Variants in BMPR2 observed in about 807,000 individuals in gnomAD.
The protein encoded by BMPR2 is bone morphogenetic protein receptor type 2, also known as bone morphogenetic protein receptor type-2.
Under a neutral mutation model 100.8 loss-of-function variants are expected in BMPR2, and 29 were observed. The ratio of observed to expected loss-of-function variants is 0.29; its 90% CI spans 0.21 to 0.39. The LOEUF (loss-of-function observed/expected upper bound fraction) is 0.39, where lower values mean the gene tolerates loss of function less well. Ranked by LOEUF, BMPR2 falls within the 10% of genes least tolerant of loss-of-function variation. BMPR2 has a pLI of 1.00. For synonymous variants in BMPR2, 382 were observed against 442.3 expected, an observed-to-expected ratio of 0.86 and a Z score of 1.71; for missense variants, 1,011 against 1,274.5, an observed-to-expected ratio of 0.79 and a Z score of 3.15.
At chr2:202,530,100 G>A (rs1687993840) in intron 7 of BMPR2, among the ~76,000 whole-genome samples, 1 of 152,098 alleles carries the variant, frequency 6.6e-6, no homozygotes, top group South Asian at 2.1e-4. Flanking sequence ...TTAAAGTCAG[G>A]TGAAAGATGT....
intron 10 of BMPR2, among the ~76,000 whole-genome samples, chr2:202,543,801 A>G (rs988036502): frequency 6.6e-6 from 1 of 152,178 alleles, no homozygotes; most frequent in African/African-American, 2.4e-5. Flanking sequence ...TGGTATTATG[A>G]TTATGTAAGC....
At chr2:202,392,720 C>T (rs1040304322) in intron 1 of BMPR2, among the ~76,000 whole-genome samples, 7 of 151,536 alleles carry the variant, frequency 4.6e-5, no homozygotes, top group African/African-American at 1.2e-4. Context: ...TGGCCGGGCG[C>T]GGTGGCTCAC....
intron 1 of BMPR2, among the ~76,000 whole-genome samples, chr2:202,435,376 C>CATACATACATATATATATAT (rs1553500538): frequency 1.9e-5 from 2 of 103,448 alleles, no homozygotes; most frequent in African/African-American, 8.4e-5. Context: ...AAAAAAAATA[C>CATACATACATATATATATAT]ATATATATAT....
At chr2:202,426,269 G>A (rs1691381842) in intron 1 of BMPR2, among the ~76,000 whole-genome samples, 1 of 152,114 alleles carries the variant, frequency 6.6e-6, no homozygotes, top group Admixed American at 6.6e-5. Context: ...CTGAGATTTT[G>A]GGATTGTTAT....
rs547357617 is a variant in BMPR2 at position 202,443,430 on chromosome 2, A to G, written c.77-21379A>G. Among the ~76,000 whole-genome samples, 7 of 150,722 alleles carry G rather than the reference A, an allele frequency of 4.6e-5. No individual in the cohort carries two copies. In the South Asian group the frequency reaches 1.5e-3, roughly 31 times the overall value. On this transcript the variant is annotated intron_variant, in intron 1 of 12. Transcript: ENST00000374580. Reference sequence around the variant, plus strand: ...TGCACCATTTTTCATTCCCACCAACAGTGTACAAGGGTCAAGGATTCCAAT... The same window carrying G: ...TGCACCATTTTTCATTCCCACCAACGGTGTACAAGGGTCAAGGATTCCAAT...
intron 1 of BMPR2, among the ~76,000 whole-genome samples, chr2:202,437,016 T>A (rs989850845): frequency 5.4e-5 from 8 of 148,440 alleles, no homozygotes; most frequent in Non-Finnish European, 1.2e-4. Flanking sequence ...AAACTCTAAA[T>A]TTTTTTTTTG....
At position 202,522,506 on chromosome 2, in the gene BMPR2, C is replaced by CA. The variant is rs770945860; in HGVS notation, c.967+2319dup. On this transcript the variant is annotated intron_variant, in intron 7 of 12. Coordinates refer to ENST00000374580, the MANE Select transcript of BMPR2 (RefSeq NM_001204.7). ...TGGGTGACAGAGCGAGACTCCCTCTCAAAAAAAAAAAAAAGAAATTCTTGT... is the reference window on the plus strand; with the variant it reads ...TGGGTGACAGAGCGAGACTCCCTCTCAAAAAAAAAAAAAAAGAAATTCTTGT... Among the ~76,000 whole-genome samples the CA allele has an allele frequency of 3.5e-3, 373 of 107,548 alleles. 1 individual carries two copies. The highest frequency in any genetic ancestry group is 0.011 in the East Asian group (40 of 3,680). 70.6% of individuals were successfully genotyped at this position (107,548 alleles called of 152,430 possible).
At chr2:202,382,560 C>G (rs1166861197) in intron 1 of BMPR2, among the ~76,000 whole-genome samples, 1 of 152,162 alleles carries the variant, frequency 6.6e-6, no homozygotes. Context: ...GTATTCATGT[C>G]TGATTAGTTT....
chr2:202,468,619 C>T (rs982516669), intron 3 of BMPR2, among the ~76,000 whole-genome samples: 1 of 152,184 alleles, frequency 6.6e-6, no homozygotes, highest in Non-Finnish European at 1.5e-5. Flanking sequence ...TATACATAGA[C>T]ATTGAGTTGT....
intron 11 of BMPR2, 79 bp from the exon 12 acceptor site, chr2:202,555,173 A>C: frequency 7.6e-7 from 1 of 1,307,850 alleles, no homozygotes; most frequent in Non-Finnish European, 1.1e-6. Flanking sequence ...CAGACTTTAA[A>C]ATCAGAGGTG....
At position 202,555,719 on chromosome 2, in the gene BMPR2, T is replaced by C; in HGVS notation, c.2054T>C (p.Leu685Pro). 6.2e-7 allele frequency: 1 copy of C among 1,614,104 alleles called. No individual in the cohort carries two copies. Among genetic ancestry groups the C allele is most frequent in the East Asian group, 2.2e-5 (1 of 44,884 alleles). ...CTCAAGGAAAGCTCTGATGAGAATCTCATGGAGCACTCTCTTAAACAGTTC... is the reference window on the plus strand; with the variant it reads ...CTCAAGGAAAGCTCTGATGAGAATCCCATGGAGCACTCTCTTAAACAGTTC... The part of the protein sequence containing the change: ...KNLKESSDEN[L>P]MEHSLKQFSG... Residue 685 changes from leucine to proline, a missense_variant, in exon 12 of 13, where the codon CTC becomes CCC. Physicochemically the swap from Leu to Pro is moderately conservative, Grantham distance 98. This residue lies in a region of BMPR2 where 508 missense variants were observed against 552.0 expected (regional missense o/e 0.92). Transcript: ENST00000374580.
rs534696140 is a variant in BMPR2 at position 202,556,171 on chromosome 2, A to G, written c.2506A>G (p.Thr836Ala). The G allele has an allele frequency of 3.7e-6, 6 of 1,611,824 alleles. No individual in the cohort carries two copies. In the African/African-American group the frequency reaches 4.0e-5, roughly 11 times the overall value. The change falls in exon 12 of 13, where the codon ACC becomes GCC. Residue 836 changes from threonine (T) to alanine (A), a missense_variant. Thr to Ala is a moderately conservative substitution (Grantham distance 58). This residue lies in a region of BMPR2 where 508 missense variants were observed against 552.0 expected (regional missense o/e 0.92). Transcript: ENST00000374580. ...TGGGACAGTACTATCTGGCCAAACA[A>G]CCAACATAGTGACACATAGGGCCCA... ...ANGTVLSGQT[T>A]NIVTHRAQEM...
At chr2:202,390,199 C>T (rs1690518868) in intron 1 of BMPR2, among the ~76,000 whole-genome samples, 2 of 152,080 alleles carry the variant, frequency 1.3e-5, no homozygotes, top group African/African-American at 2.4e-5. Context: ...TGATCTGGGA[C>T]AGTTCTAGAA....
intron 9 of BMPR2, among the ~76,000 whole-genome samples, chr2:202,535,577 C>G (rs970796642): frequency 2.0e-5 from 3 of 151,022 alleles, no homozygotes; most frequent in Non-Finnish European, 4.4e-5. Context: ...GGCGGCCGGG[C>G]GGAGACGCTC....
chr2:202,451,930 T>G (rs955289365), intron 1 of BMPR2, among the ~76,000 whole-genome samples: 3 of 151,978 alleles, frequency 2.0e-5, no homozygotes, highest in Non-Finnish European at 4.4e-5. Context: ...TTTTGTGTGT[T>G]TTTAGTAGAG....
At position 202,380,965 on chromosome 2, in the gene BMPR2, CTTTTTTTTTTTTTT is replaced by C. The variant is rs1159400445; in HGVS notation, c.76+3429_76+3442del. 4.6e-3 allele frequency among the ~76,000 whole-genome samples: 329 copies of C among 70,790 alleles called. 4 individuals are homozygous for C. The highest frequency in any genetic ancestry group is 0.018 in the African/African-American group (306 of 17,332). 46.4% of individuals were successfully genotyped at this position (70,790 alleles called of 152,430 possible). On this transcript the variant is annotated intron_variant, in intron 1 of 12. Transcript: ENST00000374580. ...GCCCTGGCCCTGGATTTCTTTCTTT[CTTTTTTTTTTTTTT>C]TTTTTTTTTTTTTGAGACAGAGTCT...
In BMPR2 at chr2:202,564,652, TG is replaced by T. The variant is rs931786086; in HGVS notation, c.*4707del. On this transcript the variant is annotated 3_prime_UTR_variant, in exon 13 of 13. Transcript: ENST00000374580. Reference sequence around the variant, plus strand: ...CTGTTTGAGCTAGTTACATAAAATTTGTTATCAAGAGAAGGCTTTTCTACAA... The same window carrying T: ...CTGTTTGAGCTAGTTACATAAAATTTTTATCAAGAGAAGGCTTTTCTACAA... 7 of 152,220 alleles carry T rather than the reference TG, an allele frequency of 4.6e-5. No homozygotes were observed. The highest frequency in any genetic ancestry group is 4.6e-4 in the Admixed American group (7 of 15,284). The allele number at this position is 152,220 out of a possible 1,614,324, so 9.4% of individuals were successfully genotyped here.
chr2:202,408,518 G>T (rs1690948607), intron 1 of BMPR2, among the ~76,000 whole-genome samples: 1 of 152,194 alleles, frequency 6.6e-6, no homozygotes, highest in Admixed American at 6.5e-5. Flanking sequence ...GTGAACCATA[G>T]CATAGTTAAT....
chr2:202,525,261 G>A (rs1687888783), intron 7 of BMPR2, among the ~76,000 whole-genome samples: 1 of 151,902 alleles, frequency 6.6e-6, no homozygotes, highest in African/African-American at 2.4e-5. Flanking sequence ...CCCCAGGCTG[G>A]AGTGCAATGG....
Sources: gnomAD v4.1 joint callset for allele counts (sites outside exome capture counted in the v4.1 genomes callset) on GRCh38, gnomAD v4.1.1 for gene constraint, gnomAD v4.1.1 regional missense constraint, MANE v1.5 for transcripts, NCBI Gene and HGNC (gene_info 2026-07-23, HGNC 2026-07-21) for gene names.